CTNNA2: variants seen among roughly 807,000 people sequenced by gnomAD.
CTNNA2 encodes the protein catenin alpha 2, also known as catenin alpha-2.
A neutral mutation model predicts 101.0 loss-of-function variants in CTNNA2; 42 were observed. The observed-to-expected ratio is 0.42, with a 90% CI of 0.32 to 0.54. The LOEUF (loss-of-function observed/expected upper bound fraction) is 0.54, where lower values mean the gene tolerates loss of function less well. Ranked by LOEUF, CTNNA2 falls within the 20% of genes least tolerant of loss-of-function variation. The pLI is 0.14. For synonymous variants in CTNNA2, 450 were observed against 456.4 expected (o/e 0.99, Z 0.18); for missense variants, 871 against 1,223.1 (o/e 0.71, Z 4.29).
chr2:79,730,260 T>C (rs1687117054), intron 2 of CTNNA2, among the ~76,000 whole-genome samples: 1 of 152,108 alleles, frequency 6.6e-6, no homozygotes, highest in Non-Finnish European at 1.5e-5. Context: ...GCTATATGTG[T>C]AATGAGCTGA....
rs544641959 is a variant in CTNNA2 at position 79,834,592 on chromosome 2, G to A, written c.299-23421G>A. On this transcript the variant is annotated intron_variant, in intron 3 of 18. Transcript: ENST00000402739. ...TCATTGGGTTGATTGTCATCTTAAA[G>A]CATGATTCTTACATTTTCATATTCA... 1.1e-4 allele frequency among the ~76,000 whole-genome samples: 17 copies of A among 151,878 alleles called. No individual in the cohort carries two copies. In the East Asian group the frequency reaches 3.1e-3, roughly 28 times the overall value.
rs1323775791 is a variant in CTNNA2, at chr2:79,982,404, CATATAACACAT to C, written c.1056+72627_1056+72637del. 4.6e-3 allele frequency among the ~76,000 whole-genome samples: 640 copies of C among 140,424 alleles called. 7 individuals carry two copies. Among genetic ancestry groups the C allele is most frequent in the African/African-American group, 0.016 (577 of 35,586 alleles). 92.1% of individuals were successfully genotyped at this position (140,424 alleles called of 152,430 possible). On this transcript the variant is annotated intron_variant, in intron 7 of 18. Coordinates refer to ENST00000402739, the MANE Select transcript of CTNNA2 (RefSeq NM_001282597.3). ...TATATAACATATATAACATATATAA[CATATAACACAT>C]ATATAACACATATATAACATATATA...
chr2:79,244,362 T>G (rs1572996433), intron 2 of CTNNA2, among the ~76,000 whole-genome samples: 1 of 152,246 alleles, frequency 6.6e-6, no homozygotes, highest in East Asian at 1.9e-4. Flanking sequence ...TCCAACACTG[T>G]GCTCTTCCCT....
At chr2:80,536,966 TTACATAGGTA>T (rs1691088917) in intron 9 of CTNNA2, among the ~76,000 whole-genome samples, 1 of 152,212 alleles carries the variant, frequency 6.6e-6, no homozygotes, top group Non-Finnish European at 1.5e-5. Context: ...TGCAGGCTTG[TTACATAGGTA>T]TACATGTGCC....
intron 9 of CTNNA2, among the ~76,000 whole-genome samples, chr2:80,542,054 T>A (rs1573199962): frequency 6.6e-6 from 1 of 151,190 alleles, no homozygotes; most frequent in South Asian, 2.1e-4. Context: ...TGAAGCAAAT[T>A]CCAAACATCA....
chr2:79,763,408 C>G (rs538239592), intron 3 of CTNNA2, among the ~76,000 whole-genome samples: 1 of 152,112 alleles, frequency 6.6e-6, no homozygotes, highest in African/African-American at 2.4e-5. Context: ...AGCTTTTTCT[C>G]CATTTTCTTC....
intron 1 of CTNNA2, among the ~76,000 whole-genome samples, chr2:79,190,724 C>T (rs562803199): frequency 1.3e-5 from 2 of 152,052 alleles, no homozygotes; most frequent in Non-Finnish European, 2.9e-5. Flanking sequence ...AGAGAGCTAC[C>T]GATGAATACC....
intron 9 of CTNNA2, among the ~76,000 whole-genome samples, chr2:80,423,771 A>G (rs950264559): frequency 1.3e-5 from 2 of 152,120 alleles, no homozygotes; most frequent in East Asian, 3.9e-4. Flanking sequence ...GAGAAGAATA[A>G]GTGGGTTTAG....
In CTNNA2 at chr2:79,319,266, A is replaced by G. The variant is rs143594313; in HGVS notation, c.-318+6470A>G. Among the ~76,000 whole-genome samples, 104 of 152,312 alleles carry G rather than the reference A, an allele frequency of 6.8e-4. 1 individual carries two copies. Among genetic ancestry groups the G allele is most frequent in the African/African-American group, 2.3e-3 (95 of 41,570 alleles). ...CTGTTGCTCTCTCCTCCAGGTCCTC[A>G]GCACCCTACTGATTCAGCTGGCAGA... On this transcript the variant is annotated intron_variant, in intron 3 of 21. Transcript: ENST00000466387.
chr2:80,452,110 A>G (rs1432593899), intron 9 of CTNNA2, among the ~76,000 whole-genome samples: 2 of 152,154 alleles, frequency 1.3e-5, no homozygotes, highest in African/African-American at 2.4e-5. Context: ...ATACCACAAG[A>G]TATTTATAAA....
intron 1 of CTNNA2, among the ~76,000 whole-genome samples, chr2:79,541,699 T>G (rs1210434888): frequency 6.6e-6 from 1 of 151,040 alleles, no homozygotes; most frequent in Non-Finnish European, 1.5e-5. Flanking sequence ...TGATCTTGGC[T>G]CACTGCAACC....
chr2:79,781,480 T>C (rs1373573004), intron 3 of CTNNA2, among the ~76,000 whole-genome samples: 2 of 152,198 alleles, frequency 1.3e-5, no homozygotes, highest in Non-Finnish European at 2.9e-5. Context: ...ATGGAGTTGC[T>C]CTCGTTCAAA....
At chr2:80,496,102 G>A (rs946625571) in intron 9 of CTNNA2, among the ~76,000 whole-genome samples, 2 of 152,132 alleles carry the variant, frequency 1.3e-5, no homozygotes, top group African/African-American at 4.8e-5. Context: ...GAAGAGGCAA[G>A]AAAGGACTCT....
intron 7 of CTNNA2, among the ~76,000 whole-genome samples, chr2:80,364,589 C>T (rs1364323415): frequency 2.5e-5 from 3 of 121,252 alleles, no homozygotes; most frequent in East Asian, 6.0e-4. Flanking sequence ...GATGGTTCCT[C>T]ACTTGTCAGT....
intron 4 of CTNNA2, among the ~76,000 whole-genome samples, chr2:79,403,111 A>C (rs894166724): frequency 6.6e-6 from 1 of 151,842 alleles, no homozygotes; most frequent in African/African-American, 2.4e-5. Context: ...ATATAATAAA[A>C]ACTAAAGCAT....
intron 4 of CTNNA2, among the ~76,000 whole-genome samples, chr2:79,461,333 T>G (rs1157455871): frequency 6.6e-6 from 1 of 152,238 alleles, no homozygotes; most frequent in Non-Finnish European, 1.5e-5. Flanking sequence ...GTAGGCATTT[T>G]AAAATCCTCT....
intron 6 of CTNNA2, among the ~76,000 whole-genome samples, chr2:79,887,648 A>G (rs1244143116): frequency 1.3e-5 from 2 of 152,096 alleles, no homozygotes; most frequent in African/African-American, 4.8e-5. Flanking sequence ...GGCTCCTACT[A>G]TGTGCTTAGC....
chr2:80,451,630 G>T (rs1683512845), intron 9 of CTNNA2, among the ~76,000 whole-genome samples: 1 of 152,144 alleles, frequency 6.6e-6, no homozygotes, highest in Admixed American at 6.6e-5. Context: ...ATCAGGACTT[G>T]ATATGTAATA....
At chr2:80,313,782 A>G (rs779491550) in intron 7 of CTNNA2, 60 of 689,704 alleles carry the variant, frequency 8.7e-5, no homozygotes, top group Middle Eastern at 6.9e-4. Flanking sequence ...CTTGAACATG[A>G]ATGGAGGAGA....
Sources: allele counts gnomAD v4.1 joint callset (sites outside exome capture counted in the v4.1 genomes callset), GRCh38; gene constraint gnomAD v4.1.1; transcripts MANE v1.5; gene names NCBI Gene and HGNC (gene_info 2026-07-23, HGNC 2026-07-21).